The following OTUD7A variants were observed in gnomAD, a reference collection of about 807,000 sequenced individuals.
The protein encoded by OTUD7A is OTU domain-containing protein 7A.
OTUD7A carries 12 observed loss-of-function variants against 65.7 expected under a neutral mutation model. That is an observed-to-expected ratio of 0.18 (90% CI 0.12 to 0.30). OTUD7A has a LOEUF of 0.30. OTUD7A is among the 10% of genes least tolerant of loss of function. The probability of loss-of-function intolerance (pLI) is 1.00; values close to 1 mark genes in which losing one functional copy is unlikely to be tolerated. For synonymous variants in OTUD7A, 641 were observed against 586.3 expected (o/e 1.09, Z -1.35); for missense variants, 1,148 against 1,304.8 (o/e 0.88, Z 1.85).
At chr15:31,505,373 G>A (rs1039642227) in intron 8 of OTUD7A, among the ~76,000 whole-genome samples, 4 of 152,216 alleles carry the variant, frequency 2.6e-5, no homozygotes, top group Non-Finnish European at 5.9e-5. Context: ...AGGCTAAATT[G>A]TGGGAGCTAA....
rs1031493337 is a variant in OTUD7A at position 31,548,736 on chromosome 15, C to T, written c.550+10233G>A. On this transcript the variant is annotated intron_variant, in intron 5 of 12. Transcript: ENST00000307050. ...TGCCATAGTGCCCACCCCATCCTAT[C>T]CCAGATGACCACATCCATGGTTCTG... Among the ~76,000 whole-genome samples the T allele has an allele frequency of 4.6e-5, 7 of 152,296 alleles. No homozygotes were observed. In the East Asian group the frequency reaches 9.7e-4, roughly 21 times the overall value.
chr15:31,666,839 G>A (rs1222852281), intron 1 of OTUD7A, among the ~76,000 whole-genome samples: 2 of 151,942 alleles, frequency 1.3e-5, no homozygotes, highest in Non-Finnish European at 2.9e-5. Context: ...CATTATTGTC[G>A]TTGAGTTTGA....
intron 10 of OTUD7A, among the ~76,000 whole-genome samples, chr15:31,494,030 C>G (rs941593021): frequency 6.6e-6 from 1 of 152,234 alleles, no homozygotes; most frequent in African/African-American, 2.4e-5. Context: ...AAGGCCAGCC[C>G]CTGAGGATCG....
intron 3 of OTUD7A, among the ~76,000 whole-genome samples, chr15:31,610,990 C>T (rs1334481045): frequency 6.6e-6 from 1 of 151,964 alleles, no homozygotes; most frequent in Non-Finnish European, 1.5e-5. Context: ...TGGAAATCAA[C>T]TCCAAAAGGA....
intron 1 of OTUD7A, among the ~76,000 whole-genome samples, chr15:31,771,979 G>A (rs541307222): frequency 1.3e-5 from 2 of 152,214 alleles, no homozygotes; most frequent in African/African-American, 2.4e-5. Flanking sequence ...GGGGCCGGGC[G>A]CGGTGGCTCA....
intron 3 of OTUD7A, among the ~76,000 whole-genome samples, chr15:31,622,551 G>A (rs984391510): frequency 6.6e-6 from 1 of 152,082 alleles, no homozygotes; most frequent in Non-Finnish European, 1.5e-5. Flanking sequence ...TCCAGTTGAT[G>A]GAATTGGCTA....
chr15:31,818,972 G>C (rs562189055), intron 1 of OTUD7A, among the ~76,000 whole-genome samples: 2 of 152,270 alleles, frequency 1.3e-5, no homozygotes, highest in Admixed American at 1.3e-4. Flanking sequence ...TGGGACAGAG[G>C]GACACTGACG....
In OTUD7A at chr15:31,584,072, AAG is replaced by A. The variant is rs140946439; in HGVS notation, c.152-13877_152-13876del. Among the ~76,000 whole-genome samples the A allele has an allele frequency of 9.1e-3, 1,380 of 152,356 alleles. 11 individuals are homozygous for A. Among genetic ancestry groups the A allele is most frequent in the Middle Eastern group, 0.017 (5 of 294 alleles). On this transcript the variant is annotated intron_variant, in intron 3 of 12. Coordinates refer to ENST00000307050, the MANE Select transcript of OTUD7A (RefSeq NM_001382637.1). ...TAGATTGACAACTCTGATGAAAAGA[AAG>A]AGCACAAAGACAGCAGGGTGGGCTG...
chr15:31,507,505 G>A (rs982435261), intron 8 of OTUD7A, among the ~76,000 whole-genome samples: 6 of 152,118 alleles, frequency 3.9e-5, no homozygotes, highest in South Asian at 2.1e-4. Context: ...GAATGAAGTC[G>A]CGTGTTACAC....
intron 1 of OTUD7A, among the ~76,000 whole-genome samples, chr15:31,782,497 A>G (rs950101191): frequency 4.6e-5 from 7 of 152,162 alleles, no homozygotes; most frequent in African/African-American, 1.7e-4. Context: ...AGATGCTAGG[A>G]TTCACAGGAA....
In OTUD7A at chr15:31,657,396, G is replaced by T. The variant is rs375291611; in HGVS notation, c.-99-319C>A. On this transcript the variant is annotated intron_variant, in intron 1 of 12. Transcript: ENST00000307050. ...TTTTGAGACAGAGTCTTGCTCTGTCGCCCAGGCTGGAGTGCAGTGGCGCGA... is the reference window on the plus strand; with the variant it reads ...TTTTGAGACAGAGTCTTGCTCTGTCTCCCAGGCTGGAGTGCAGTGGCGCGA... Among the ~76,000 whole-genome samples, 26 of 150,730 alleles carry T rather than the reference G, an allele frequency of 1.7e-4. No individual in the cohort carries two copies. In the East Asian group the frequency reaches 4.7e-3, roughly 27 times the overall value.
At chr15:31,612,338 G>A (rs568096845) in intron 3 of OTUD7A, among the ~76,000 whole-genome samples, 1 of 152,306 alleles carries the variant, frequency 6.6e-6, no homozygotes, top group East Asian at 1.9e-4. Context: ...ATCCAAATCG[G>A]TGATGAGGAA....
intron 3 of OTUD7A, among the ~76,000 whole-genome samples, chr15:31,635,512 G>A (rs1891312992): frequency 6.6e-6 from 1 of 152,206 alleles, no homozygotes; most frequent in South Asian, 2.1e-4. Context: ...GGGGCAGAGA[G>A]CCCCGACACT....
chr15:31,629,937 T>G (rs1891088817), intron 3 of OTUD7A, among the ~76,000 whole-genome samples: 1 of 152,230 alleles, frequency 6.6e-6, no homozygotes, highest in South Asian at 2.1e-4. Context: ...TCAGTGGTGA[T>G]ATCCCCTTTA....
intron 1 of OTUD7A, among the ~76,000 whole-genome samples, chr15:31,736,192 C>A (rs936498775): frequency 2.0e-5 from 3 of 152,042 alleles, no homozygotes; most frequent in African/African-American, 7.2e-5. Context: ...CAAACATGTG[C>A]CCCTGAACTT....
chr15:31,859,496 A>C (rs988400081), intron 1 of OTUD7A, among the ~76,000 whole-genome samples: 1 of 152,240 alleles, frequency 6.6e-6, no homozygotes, highest in Non-Finnish European at 1.5e-5. Flanking sequence ...TCAAATAGTA[A>C]AGGTTCTACC....
At chr15:31,759,694 G>A (rs1346527759) in intron 1 of OTUD7A, among the ~76,000 whole-genome samples, 1 of 152,124 alleles carries the variant, frequency 6.6e-6, no homozygotes, top group Non-Finnish European at 1.5e-5. Context: ...CACCATGCCT[G>A]GCTATCTTTT....
At chr15:31,798,414 T>G (rs1896031159) in intron 1 of OTUD7A, among the ~76,000 whole-genome samples, 2 of 152,210 alleles carry the variant, frequency 1.3e-5, no homozygotes, top group South Asian at 2.1e-4. Flanking sequence ...GGTGTCCAGG[T>G]GTGGCCATGG....
intron 1 of OTUD7A, among the ~76,000 whole-genome samples, chr15:31,710,609 G>C (rs577142584): frequency 6.6e-6 from 1 of 152,312 alleles, no homozygotes; most frequent in South Asian, 2.1e-4. Flanking sequence ...GAAATAAGAA[G>C]AATGTGTGTT....
Sources: allele counts gnomAD v4.1 joint callset (sites outside exome capture counted in the v4.1 genomes callset), GRCh38; gene constraint gnomAD v4.1.1; transcripts MANE v1.5; gene names NCBI Gene and HGNC (gene_info 2026-07-23, HGNC 2026-07-21).